FAM222B: variants seen among roughly 807,000 people sequenced by gnomAD.
The protein encoded by FAM222B is family with sequence similarity 222 member B.
FAM222B carries 12 observed loss-of-function variants against 38.0 expected under a neutral mutation model. The ratio of observed to expected loss-of-function variants is 0.32; its 90% confidence interval spans 0.20 to 0.51. The LOEUF (loss-of-function observed/expected upper bound fraction) is 0.51. Ranked by LOEUF, FAM222B falls within the 20% of genes least tolerant of loss-of-function variation. The pLI, the probability that FAM222B is intolerant of heterozygous loss-of-function variation, is 0.97. For missense variants in FAM222B, 716 were observed against 754.2 expected (o/e 0.95, Z 0.59); for synonymous variants, 329 against 317.2 (o/e 1.04, Z -0.40).
At chr17:28,777,165 AG>A (rs2035933872) in intron 1 of FAM222B, 1 of 152,186 alleles carries the variant, frequency 6.6e-6, no homozygotes, top group Admixed American at 6.5e-5. Flanking sequence ...GGAAACAGCA[AG>A]GAAGAGAGAT....
chr17:28,793,881 G>A (rs1293251204), intron 1 of FAM222B, among the ~76,000 whole-genome samples: 2 of 151,756 alleles, frequency 1.3e-5, no homozygotes, highest in Admixed American at 6.6e-5. Context: ...AAGTAGCTAG[G>A]ATTACAGCCA....
chr17:28,781,883 G>T (rs2036182323), intron 1 of FAM222B, among the ~76,000 whole-genome samples: 1 of 152,112 alleles, frequency 6.6e-6, no homozygotes. Flanking sequence ...TGGGGAGAAG[G>T]AAACAAAATT....
intron 1 of FAM222B, among the ~76,000 whole-genome samples, chr17:28,812,937 C>CG (rs1200370929): frequency 7.4e-6 from 1 of 135,788 alleles, no homozygotes; most frequent in African/African-American, 2.8e-5. Flanking sequence ...TAACAGTGGA[C>CG]GGATTTAGGA....
intron 1 of FAM222B, among the ~76,000 whole-genome samples, chr17:28,816,389 A>G (rs2038024356): frequency 6.6e-6 from 1 of 152,218 alleles, no homozygotes; most frequent in South Asian, 2.1e-4. Flanking sequence ...TATAGTCAGT[A>G]AAAGATACTA....
intron 1 of FAM222B, among the ~76,000 whole-genome samples, chr17:28,801,562 G>A (rs2037230836): frequency 6.6e-6 from 1 of 151,290 alleles, no homozygotes; most frequent in African/African-American, 2.4e-5. Flanking sequence ...TAGTAAAACA[G>A]GCTGGGCATG....
At chr17:28,817,465 T>C (rs1428498629) in intron 1 of FAM222B, among the ~76,000 whole-genome samples, 1 of 151,606 alleles carries the variant, frequency 6.6e-6, no homozygotes, top group Non-Finnish European at 1.5e-5. Context: ...GGCTCACGCC[T>C]GTAATCCCAA....
intron 2 of FAM222B, among the ~76,000 whole-genome samples, chr17:28,761,750 A>G (rs1000386591): frequency 6.6e-6 from 1 of 152,168 alleles, no homozygotes; most frequent in Non-Finnish European, 1.5e-5. Context: ...CCCACCTCCC[A>G]AAACAGGTCT....
chr17:28,843,734 C>T (rs141271624), upstream of FAM222B, among the ~76,000 whole-genome samples: 537 of 152,224 alleles, frequency 3.5e-3, 3 homozygotes, highest in African/African-American at 0.013. Flanking sequence ...AGGCCTGAGT[C>T]ACCATGCCTG....
chr17:28,800,617 G>T (rs566259528), intron 1 of FAM222B, among the ~76,000 whole-genome samples: 212 of 152,142 alleles, frequency 1.4e-3, no homozygotes, highest in Non-Finnish European at 2.5e-3. Flanking sequence ...ACTTAATTTT[G>T]CCAGGGACTA....
chr17:28,839,220 AATG>A (rs1328362889), intron 1 of FAM222B, among the ~76,000 whole-genome samples: 3 of 152,088 alleles, frequency 2.0e-5, no homozygotes, highest in Non-Finnish European at 4.4e-5. Flanking sequence ...AAATAATAAT[AATG>A]ATAATAATAA....
chr17:28,762,021 G>A (rs72847573), intron 2 of FAM222B: 1 of 152,150 alleles, frequency 6.6e-6, no homozygotes, highest in African/African-American at 2.4e-5. Context: ...TTCCAAGTTA[G>A]TACCAACTCT....
intron 1 of FAM222B, chr17:28,849,570 C>G (rs1219243948): frequency 6.6e-6 from 1 of 152,252 alleles, no homozygotes; most frequent in Non-Finnish European, 1.5e-5. Flanking sequence ...AGCTGCAACA[C>G]CCAAGGTTGG....
chr17:28,774,227 G>A (rs1218214583), intron 1 of FAM222B, among the ~76,000 whole-genome samples: 1 of 150,824 alleles, frequency 6.6e-6, no homozygotes, highest in African/African-American at 2.4e-5. Flanking sequence ...TTTACAGCTG[G>A]TATTTCCAGA....
intron 1 of FAM222B, among the ~76,000 whole-genome samples, chr17:28,841,345 G>A (rs1213326495): frequency 6.6e-6 from 1 of 152,076 alleles, no homozygotes; most frequent in African/African-American, 2.4e-5. Context: ...TCCCTCACTG[G>A]GCAGCCCTCC....
At chr17:28,786,538 T>C (rs1458276053) in intron 1 of FAM222B, among the ~76,000 whole-genome samples, 1 of 152,186 alleles carries the variant, frequency 6.6e-6, no homozygotes, top group Admixed American at 6.5e-5. Context: ...ATGTAAGAAG[T>C]AAACCCTGAC....
intron 1 of FAM222B, among the ~76,000 whole-genome samples, chr17:28,850,451 G>A (rs536478403): frequency 7.4e-4 from 112 of 152,080 alleles, no homozygotes; most frequent in African/African-American, 2.7e-3. Flanking sequence ...ACAAGTGCCT[G>A]ACACCACGCC....
intron 1 of FAM222B, chr17:28,766,946 C>A: frequency 2.5e-6 from 1 of 405,372 alleles, no homozygotes; most frequent in Admixed American, 3.9e-5. Context: ...AGAAATAAAA[C>A]TGGAAAGCAC....
chr17:28,813,746 CTG>C (rs1415289281), intron 1 of FAM222B, among the ~76,000 whole-genome samples: 1 of 150,630 alleles, frequency 6.6e-6, no homozygotes, highest in Admixed American at 6.6e-5. Context: ...CGGGGTTTCA[CTG>C]TGTTAGCCAG....
intron 1 of FAM222B, among the ~76,000 whole-genome samples, chr17:28,835,322 A>C (rs924278430): frequency 6.6e-6 from 1 of 152,128 alleles, no homozygotes; most frequent in African/African-American, 2.4e-5. Flanking sequence ...GGTGTAAGCC[A>C]CTGCATCTGG....
Sources: allele counts gnomAD v4.1 joint callset (sites outside exome capture counted in the v4.1 genomes callset), GRCh38; gene constraint gnomAD v4.1.1; transcripts MANE v1.5; gene names NCBI Gene and HGNC (gene_info 2026-07-23, HGNC 2026-07-21).